CEP70: variants seen among roughly 807,000 people sequenced by gnomAD.
CEP70 encodes centrosomal protein 70.
A neutral mutation model predicts 90.9 loss-of-function variants in CEP70; 70 were observed. The observed-to-expected ratio is 0.77, with a 90% confidence interval of 0.64 to 0.94. The LOEUF is 0.94. Ranked by LOEUF, CEP70 falls within the 40% of genes least tolerant of loss-of-function variation. The pLI is 0.00. For missense variants in CEP70, 648 were observed against 669.0 expected, an observed-to-expected ratio of 0.97 and a Z score of 0.35; for synonymous variants, 220 against 228.3, an observed-to-expected ratio of 0.96 and a Z score of 0.33.
intron 2 of CEP70, among the ~76,000 whole-genome samples, chr3:138,591,232 C>T (rs918798595): frequency 6.6e-6 from 1 of 152,054 alleles, no homozygotes. Flanking sequence ...TCATTTCATG[C>T]ATAAAACTAT....
chr3:138,543,358 A>G (rs984257411), intron 6 of CEP70, among the ~76,000 whole-genome samples: 7 of 152,198 alleles, frequency 4.6e-5, no homozygotes, highest in Non-Finnish European at 8.8e-5. Context: ...CTGGCATGTC[A>G]GCACTGCCCC....
In CEP70 at chr3:138,525,527, C is replaced by A. The variant is rs2037139794; in HGVS notation, c.907G>T (p.Val303Leu). The A allele has an allele frequency of 2.1e-6, 3 of 1,422,874 alleles. No homozygotes were observed. In the East Asian group the frequency reaches 7.9e-5, roughly 38 times the overall value. The allele number at this position is 1,422,874 out of a possible 1,614,324, so 88.1% of individuals were successfully genotyped here. A position where few individuals can be genotyped will look rare whatever the true frequency, so the allele number is the denominator to read the frequency against. ...TTAAGGGCTTTTTCCAGCTTCTTCACCTGCTGTTTATAAAGTCTTAATTCA... is the reference window on the plus strand; with the variant it reads ...TTAAGGGCTTTTTCCAGCTTCTTCAACTGCTGTTTATAAAGTCTTAATTCA... ...QHELRLYKQQVKKLEKALKKN... is the reference protein window; with the variant it reads ...QHELRLYKQQLKKLEKALKKN... Residue 303 changes from valine (V) to leucine (L), a missense_variant, in exon 11 of 18, where the codon GTG becomes TTG. By Grantham distance (32) the Val-to-Leu change is conservative. Transcript: ENST00000264982.
At chr3:138,586,329 T>C in intron 2 of CEP70, among the ~76,000 whole-genome samples, 1 of 152,202 alleles carries the variant, frequency 6.6e-6, no homozygotes, top group East Asian at 1.9e-4. Context: ...GCCAATTTTT[T>C]ATATTTTTGG....
chr3:138,541,751 G>GTTTTATAA (rs2038784624), intron 6 of CEP70, among the ~76,000 whole-genome samples: 1 of 152,232 alleles, frequency 6.6e-6, no homozygotes, highest in Admixed American at 6.5e-5. Context: ...GCTAGGCACA[G>GTTTTATAA]TGGCTCATGC....
intron 6 of CEP70, among the ~76,000 whole-genome samples, chr3:138,541,469 C>G (rs1393485257): frequency 6.6e-6 from 1 of 150,572 alleles, no homozygotes; most frequent in Non-Finnish European, 1.5e-5. Context: ...TTATTCTCAG[C>G]AAAGCTATCT....
chr3:138,521,041 C>T (rs1293555516), intron 11 of CEP70, among the ~76,000 whole-genome samples: 1 of 152,192 alleles, frequency 6.6e-6, no homozygotes, highest in Non-Finnish European at 1.5e-5. Context: ...AACTCCTGAC[C>T]TCGAGTGATC....
chr3:138,527,461 G>C (rs746960603), intron 10 of CEP70, among the ~76,000 whole-genome samples: 1 of 151,788 alleles, frequency 6.6e-6, no homozygotes, highest in Non-Finnish European at 1.5e-5. Flanking sequence ...TTGGGAGGCC[G>C]AGGCGGGCGG....
intron 7 of CEP70, among the ~76,000 whole-genome samples, chr3:138,534,804 C>T (rs1240958517): frequency 3.9e-5 from 6 of 152,128 alleles, no homozygotes; most frequent in South Asian, 2.1e-4. Flanking sequence ...ATGAATTCAT[C>T]GGTTTCTTCC....
intron 2 of CEP70, among the ~76,000 whole-genome samples, chr3:138,585,330 G>A (rs2042057013): frequency 6.6e-6 from 1 of 151,948 alleles, no homozygotes; most frequent in African/African-American, 2.4e-5. Context: ...GGAATTAACT[G>A]AACCAATGAA....
At chr3:138,581,732 A>G (rs2041872248) in intron 2 of CEP70, among the ~76,000 whole-genome samples, 1 of 151,068 alleles carries the variant, frequency 6.6e-6, no homozygotes, top group African/African-American at 2.4e-5. Context: ...GAAAAGAAAA[A>G]GGAAAGAAAG....
chr3:138,535,038 T>A (rs1027887382), intron 7 of CEP70, among the ~76,000 whole-genome samples: 1 of 152,170 alleles, frequency 6.6e-6, no homozygotes, highest in African/African-American at 2.4e-5. Context: ...TCTTTGGGTA[T>A]GTTCCCTGCC....
intron 17 of CEP70, chr3:138,496,300 C>A (rs2033953475): frequency 2.0e-6 from 2 of 985,416 alleles, no homozygotes; most frequent in Non-Finnish European, 2.4e-6. Flanking sequence ...CCCATGCTCT[C>A]CTACTATTCA....
At chr3:138,530,741 AT>A (rs1560346016) in intron 8 of CEP70, 1 of 985,228 alleles carries the variant, frequency 1.0e-6, no homozygotes, top group Non-Finnish European at 1.2e-6. Context: ...TACTAATGTA[AT>A]ACTTGTCAAT....
At chr3:138,513,821 T>C (rs1173250826) in intron 11 of CEP70, among the ~76,000 whole-genome samples, 1 of 152,210 alleles carries the variant, frequency 6.6e-6, no homozygotes, top group Non-Finnish European at 1.5e-5. Context: ...GACAGACTTA[T>C]TTAATCACTT....
chr3:138,528,810 T>G (rs1314781007), intron 10 of CEP70, among the ~76,000 whole-genome samples: 1 of 152,122 alleles, frequency 6.6e-6, no homozygotes, highest in African/African-American at 2.4e-5. Context: ...CTGACAAACA[T>G]GGCAAAACCT....
At chr3:138,526,518 A>C (rs1171240682) in intron 10 of CEP70, among the ~76,000 whole-genome samples, 1 of 152,144 alleles carries the variant, frequency 6.6e-6, no homozygotes, top group African/African-American at 2.4e-5. Context: ...TTCACCCCAG[A>C]GTTTGGGACA....
At chr3:138,529,091 T>C in intron 10 of CEP70, 108 bp downstream of exon 10, 1 of 628,818 alleles carries the variant, frequency 1.6e-6, no homozygotes. Context: ...GCTTGAGCCC[T>C]GGAGGTCAAG....
chr3:138,522,096 G>A (rs1330103582), intron 11 of CEP70, among the ~76,000 whole-genome samples: 1 of 152,100 alleles, frequency 6.6e-6, no homozygotes, highest in Non-Finnish European at 1.5e-5. Flanking sequence ...TGCTCCTTAA[G>A]AGTCATCACC....
intron 2 of CEP70, among the ~76,000 whole-genome samples, chr3:138,582,436 A>C (rs2041912233): frequency 6.7e-6 from 1 of 148,842 alleles, no homozygotes. Flanking sequence ...AGCGCCACTG[A>C]ACTCCAGCCT....
Sources: gnomAD v4.1 joint callset for allele counts (sites outside exome capture counted in the v4.1 genomes callset) on GRCh38, gnomAD v4.1.1 for gene constraint, MANE v1.5 for transcripts, NCBI Gene and HGNC (gene_info 2026-07-23, HGNC 2026-07-21) for gene names.